ZNF846: variants seen among roughly 807,000 people sequenced by gnomAD.
ZNF846 encodes zinc finger protein 420 pseudogene.
Under a neutral mutation model 16.0 loss-of-function variants are expected in ZNF846, and 15 were observed. The observed-to-expected ratio is 0.94, with a 90% confidence interval of 0.63 to 1.45. ZNF846 has a LOEUF of 1.45. Among genes scored for constraint, ZNF846 ranks in the 40% most tolerant of loss-of-function variants. The pLI is 0.00. For missense variants in ZNF846, 714 were observed against 622.3 expected (o/e 1.15, Z -1.57); for synonymous variants, 229 against 212.0 (o/e 1.08, Z -0.70).
chr19:9,763,440 A>G, intron 2 of ZNF846, 32 bp from the exon 3 acceptor site: 2 of 1,566,746 alleles, frequency 1.3e-6, no homozygotes, highest in Non-Finnish European at 1.7e-6. Flanking sequence ...AGCTTCAGCT[A>G]AGTACCATCT....
At chr19:9,751,226 C>A (rs1268605455), downstream of ZNF846, among the ~76,000 whole-genome samples, 3 of 152,062 alleles carry the variant, frequency 2.0e-5, no homozygotes, top group Non-Finnish European at 4.4e-5. Flanking sequence ...CACAATATCA[C>A]CCCTTACCCC....
At chr19:9,753,252 ATTTATTT>A (rs1211100369), downstream of ZNF846, among the ~76,000 whole-genome samples, 3 of 131,892 alleles carry the variant, frequency 2.3e-5, no homozygotes, top group African/African-American at 8.1e-5. Flanking sequence ...TTATTTATTT[ATTTATTT>A]ATTTATTTTT....
chr19:9,781,047 T>A (rs1394072482), intron 1 of ZNF846, among the ~76,000 whole-genome samples: 2 of 152,230 alleles, frequency 1.3e-5, no homozygotes, highest in Non-Finnish European at 2.9e-5. Context: ...ATTCATATGC[T>A]CTTCTTGTCC....
chr19:9,778,809 A>C (rs1322995407), intron 1 of ZNF846, among the ~76,000 whole-genome samples: 1 of 150,028 alleles, frequency 6.7e-6, no homozygotes, highest in Non-Finnish European at 1.5e-5. Flanking sequence ...GTCTCAAAAA[A>C]AAAAAAAAAA....
intron 1 of ZNF846, among the ~76,000 whole-genome samples, chr19:9,781,582 A>G (rs914352809): frequency 1.3e-5 from 2 of 152,170 alleles, no homozygotes; most frequent in African/African-American, 4.8e-5. Context: ...ATTTTAGTCT[A>G]GACACCTGCT....
At chr19:9,782,341 T>C (rs2045510301) in intron 1 of ZNF846, among the ~76,000 whole-genome samples, 1 of 152,008 alleles carries the variant, frequency 6.6e-6, no homozygotes, top group Admixed American at 6.6e-5. Flanking sequence ...CACAGCTCAC[T>C]GCAGCCTCAA....
At chr19:9,756,365 A>ATATATG (rs1568320026), downstream of ZNF846, 7 of 135,290 alleles carry the variant, frequency 5.2e-5, no homozygotes, top group South Asian at 9.0e-4. Flanking sequence ...ATATATATAT[A>ATATATG]TATATATATA....
intron 4 of ZNF846, 127 bp from the exon 5 acceptor site, chr19:9,760,069 CTTACCTGAGGT>C (rs1163435050): frequency 3.3e-6 from 2 of 612,332 alleles, no homozygotes; most frequent in Non-Finnish European, 5.8e-6. Flanking sequence ...AGATAGGTGG[CTTACCTGAGGT>C]TAGGAGTTCA....
chr19:9,751,565 C>A (rs867906718), downstream of ZNF846, among the ~76,000 whole-genome samples: 1 of 151,834 alleles, frequency 6.6e-6, no homozygotes, highest in Non-Finnish European at 1.5e-5. Context: ...ATTTGCAACA[C>A]CCTCCCTGCT....
chr19:9,777,868 G>A (rs2045463297), intron 1 of ZNF846, among the ~76,000 whole-genome samples: 1 of 151,986 alleles, frequency 6.6e-6, no homozygotes, highest in Non-Finnish European at 1.5e-5. Flanking sequence ...ACTAAAACTT[G>A]AGTTTGACAC....
rs757875755 is a variant in ZNF846 at position 9,757,668 on chromosome 19, C to T, written c.1409G>A (p.Arg470Gln). ...ATAAGGCTTTTCTCCTGTGTGCGTTCGCATGTGCATATTAAGATTTGTGGA... is the reference window on the plus strand; with the variant it reads ...ATAAGGCTTTTCTCCTGTGTGCGTTTGCATGTGCATATTAAGATTTGTGGA... Residue 470 changes from arginine to glutamine, a missense_variant, in exon 6 of 6, where the codon CGA becomes CAA. Coordinates refer to ENST00000397902, the Ensembl canonical transcript of ZNF846. The T allele has an allele frequency of 2.9e-5, 47 of 1,613,232 alleles. 1 individual carries two copies. Among genetic ancestry groups the T allele is most frequent in the South Asian group, 1.3e-4 (12 of 91,048 alleles).
intron 4 of ZNF846, 99 bp downstream of exon 4, chr19:9,761,983 T>G: frequency 3.2e-6 from 3 of 942,100 alleles, no homozygotes; most frequent in Non-Finnish European, 5.0e-6. Flanking sequence ...GGAAGAAGAG[T>G]ATACCCTGAG....
chr19:9,767,423 T>C (rs879301935), intron 1 of ZNF846, among the ~76,000 whole-genome samples: 1 of 151,454 alleles, frequency 6.6e-6, no homozygotes, highest in Admixed American at 6.6e-5. Context: ...GTGTTTAAGT[T>C]ACCGCACCCG....
intron 1 of ZNF846, among the ~76,000 whole-genome samples, chr19:9,783,489 C>T (rs1471301361): frequency 7.1e-6 from 1 of 141,670 alleles, no homozygotes; most frequent in East Asian, 2.0e-4. Context: ...ATAGCCACTG[C>T]CCTCCAGCCT....
At chr19:9,786,104 C>A (rs1236643265), upstream of ZNF846, 1 of 151,946 alleles carries the variant, frequency 6.6e-6, no homozygotes, top group African/African-American at 2.4e-5. Flanking sequence ...GGGGCGGCGG[C>A]CGCGTCCTCC....
At chr19:9,774,597 C>G in intron 1 of ZNF846, 1 of 1,509,156 alleles carries the variant, frequency 6.6e-7, no homozygotes, top group South Asian at 1.1e-5. Context: ...AATTTATTGA[C>G]TTAGCAAGGG....
chr19:9,757,507 GT>G lies in ZNF846; in HGVS notation c.1569del (p.Lys523AsnfsTer3). On this transcript the variant is annotated frameshift_variant, in exon 6 of 6. Coordinates refer to ENST00000397902, the Ensembl canonical transcript of ZNF846. LOFTEE classifies it low-confidence loss of function (END_TRUNC). ...TTTTCACATGCCTTAGTTCTTAGAT[GT>G]TTAGCAAGTGCTGAAGATTGAGTGA... 1 of 1,604,520 alleles carries G rather than the reference GT, an allele frequency of 6.2e-7. No individual in the cohort carries two copies.
downstream of ZNF846, among the ~76,000 whole-genome samples, chr19:9,753,167 A>C (rs1473954942): frequency 6.6e-6 from 1 of 151,684 alleles, no homozygotes; most frequent in African/African-American, 2.4e-5. Context: ...CCAGCTCCTA[A>C]TACAATCACT....
At chr19:9,752,663 C>CTTTTTTTTTTTTTTTTT (rs528278558), downstream of ZNF846, among the ~76,000 whole-genome samples, 1 of 140,526 alleles carries the variant, frequency 7.1e-6, no homozygotes, top group Non-Finnish European at 1.5e-5. Context: ...AGTGATTTCC[C>CTTTTTTTTTTTTTTTTT]TTTTTTTTTT....
Sources: allele counts gnomAD v4.1 joint callset (sites outside exome capture counted in the v4.1 genomes callset), GRCh38; gene constraint gnomAD v4.1.1; transcripts MANE v1.5; gene names NCBI Gene and HGNC (gene_info 2026-07-23, HGNC 2026-07-21).